FMNL3: variants seen among roughly 807,000 people sequenced by gnomAD.
FMNL3 encodes formin like 3.
In FMNL3, 57 loss-of-function variants were observed where a neutral mutation model predicts 119.6. That is an observed-to-expected ratio of 0.48 (90% CI 0.39 to 0.59). The LOEUF (loss-of-function observed/expected upper bound fraction) is 0.59, where lower values mean the gene tolerates loss of function less well. Ranked by LOEUF, FMNL3 falls within the 20% of genes least tolerant of loss-of-function variation. The pLI, the probability that FMNL3 is intolerant of heterozygous loss-of-function variation, is 0.00. For missense variants in FMNL3, 1,053 were observed against 1,323.5 expected (o/e 0.80, Z 3.17); for synonymous variants, 491 against 507.3 (o/e 0.97, Z 0.43).
chr12:49,637,712 C>G lies in FMNL3; in HGVS notation c.*8103G>C. 1 of 1,539,300 alleles carries G rather than the reference C, an allele frequency of 6.5e-7. No homozygotes were observed. The highest frequency in any genetic ancestry group is 2.3e-5 in the East Asian group (1 of 44,240). On this transcript the variant is annotated 3_prime_UTR_variant, in exon 26 of 26. Coordinates refer to ENST00000335154, the MANE Select transcript of FMNL3 (RefSeq NM_175736.5). ...TTGGGAAGCTGCCGCCCGCCAGGCCCCCCTCCCTCCCTCCTTACAGGCTCC... is the reference window on the plus strand; with the variant it reads ...TTGGGAAGCTGCCGCCCGCCAGGCCGCCCTCCCTCCCTCCTTACAGGCTCC...
At chr12:49,690,121 C>T (rs1052876315) in intron 1 of FMNL3, among the ~76,000 whole-genome samples, 2 of 152,222 alleles carry the variant, frequency 1.3e-5, no homozygotes, top group African/African-American at 2.4e-5. Context: ...AGATAAAATA[C>T]AGCACAGAGT....
At chr12:49,651,557 ACTC>A in intron 14 of FMNL3, 107 bp from the exon 15 acceptor site, 1 of 924,998 alleles carries the variant, frequency 1.1e-6, no homozygotes, top group Non-Finnish European at 1.5e-6. Context: ...AAAAAAAAAA[ACTC>A]TCAGAGAAGG....
intron 1 of FMNL3, among the ~76,000 whole-genome samples, chr12:49,686,565 G>A (rs1012318646): frequency 7.3e-5 from 10 of 136,350 alleles, no homozygotes; most frequent in Admixed American, 2.3e-4. Flanking sequence ...GCGACAGAGC[G>A]AGACTTCATC....
intron 1 of FMNL3, among the ~76,000 whole-genome samples, chr12:49,685,222 C>T (rs908548132): frequency 6.6e-5 from 10 of 152,180 alleles, no homozygotes; most frequent in Non-Finnish European, 7.3e-5. Flanking sequence ...CAGTGGCTCA[C>T]GCCTGTAATC....
chr12:49,643,151 T>G lies in FMNL3; in HGVS notation c.*2664A>C. On this transcript the variant is annotated 3_prime_UTR_variant, in exon 26 of 26. Transcript: ENST00000335154. ...TTTGGCCCTGGGTCCTCCTCCTCTC[T>G]CGAATTCCCAGACGAGGGCTTCTGG... 2 of 1,596,952 alleles carry G rather than the reference T, an allele frequency of 1.3e-6. No individual in the cohort carries two copies. The highest frequency in any genetic ancestry group is 1.7e-5 in the Admixed American group (1 of 59,130).
chr12:49,665,296 T>C (rs1176988509), intron 4 of FMNL3, among the ~76,000 whole-genome samples: 1 of 151,948 alleles, frequency 6.6e-6, no homozygotes, highest in Admixed American at 6.6e-5. Context: ...CCAGGGTCTG[T>C]GAATATAGAA....
rs1230824121 is a variant in FMNL3 at position 49,645,894 on chromosome 12, C to T, written c.3005G>A (p.Cys1002Tyr). 2 of 1,612,044 alleles carry T rather than the reference C, an allele frequency of 1.2e-6. No homozygotes were observed. Among genetic ancestry groups the T allele is most frequent in the East Asian group, 2.2e-5 (1 of 44,658 alleles). ...TTGGTGGCGAACAACCATAGGCTGG[C>T]AGTGGAGGCCTGTGGGGGAAGAGAG... ...TIEDIITGLH[C>Y]QPMVVRHQAR... is the part of the protein sequence containing the mutation. Residue 1002 changes from cysteine (C) to tyrosine (Y), a missense_variant, in exon 26 of 26, where the codon TGC becomes TAC. Physicochemically the swap from Cys to Tyr is radical, Grantham distance 194 (BLOSUM62 -2). Coordinates refer to ENST00000335154, the MANE Select transcript of FMNL3 (RefSeq NM_175736.5).
intron 14 of FMNL3, 123 bp from the exon 15 acceptor site, chr12:49,651,573 C>G: frequency 3.5e-6 from 3 of 866,604 alleles, no homozygotes; most frequent in Non-Finnish European, 4.8e-6. Flanking sequence ...AGAGAAGGAG[C>G]CTACATGAAC....
intron 1 of FMNL3, among the ~76,000 whole-genome samples, chr12:49,678,781 T>C (rs1363826284): frequency 6.6e-6 from 1 of 152,132 alleles, no homozygotes; most frequent in Non-Finnish European, 1.5e-5. Context: ...GTCTTAAACA[T>C]CAAGCGGGAA....
At position 49,657,118 on chromosome 12, in the gene FMNL3, G is replaced by A; in HGVS notation, c.678C>T (p.Val226=). Residue 226 remains valine, a synonymous_variant, in exon 7 of 26, where the codon GTC becomes GTT. Transcript: ENST00000335154. ...RLVSQKDDVH[V]CILCLRAIMN... ...TGATGGCTCTGAGACAAAGGATACA[G>A]ACGTGGACGTCATCCTTCTGGCTCA... is the stretch of plus-strand genomic sequence containing the variant. The A allele has an allele frequency of 1.2e-6, 2 of 1,614,174 alleles. No individual in the cohort carries two copies. Among genetic ancestry groups the A allele is most frequent in the African/African-American group, 1.3e-5 (1 of 75,036 alleles).
In FMNL3 at chr12:49,638,069, GAC is replaced by G. The variant is rs1942090597; in HGVS notation, c.*7744_*7745del. The G allele has an allele frequency of 2.1e-6, 1 of 484,910 alleles. No homozygotes were observed. The highest frequency in any genetic ancestry group is 3.5e-5 in the East Asian group (1 of 28,462). The allele number at this position is 484,910 out of a possible 1,614,324, so 30.0% of individuals were successfully genotyped here. A position where few individuals can be genotyped will look rare whatever the true frequency, so the allele number is the denominator to read the frequency against. Reference sequence around the variant, plus strand: ...ACAAAGGGGCAAGTGTTATTACAGAGACAGGAATCTGAAGAACTAACATTTGA... The same window carrying G: ...ACAAAGGGGCAAGTGTTATTACAGAGAGGAATCTGAAGAACTAACATTTGA... On this transcript the variant is annotated 3_prime_UTR_variant, in exon 26 of 26. Transcript: ENST00000335154.
chr12:49,676,099 T>A (rs1303745912), intron 1 of FMNL3, among the ~76,000 whole-genome samples: 1 of 152,194 alleles, frequency 6.6e-6, no homozygotes, highest in Non-Finnish European at 1.5e-5. Context: ...TCTCTTGAGC[T>A]CCAAGCATAA....
chr12:49,681,261 C>T (rs567522459), intron 1 of FMNL3, among the ~76,000 whole-genome samples: 7 of 152,098 alleles, frequency 4.6e-5, no homozygotes, highest in South Asian at 2.1e-4. Flanking sequence ...AGCGCAGTGG[C>T]GCGATTTCAG....
At chr12:49,704,849 A>G (rs1376197351) in intron 1 of FMNL3, among the ~76,000 whole-genome samples, 1 of 152,090 alleles carries the variant, frequency 6.6e-6, no homozygotes, top group African/African-American at 2.4e-5. Flanking sequence ...CATTTTACAG[A>G]TGAGGAAGAA....
At position 49,644,057 on chromosome 12, in the gene FMNL3, C is replaced by T; in HGVS notation, c.*1758G>A. On this transcript the variant is annotated 3_prime_UTR_variant, in exon 26 of 26. Transcript: ENST00000335154. ...AGCACGCTGGTCAAGCTTCCACGGC[C>T]CTTAGTGCAGGCTAAGGGTGAACTG... 1 of 1,614,158 alleles carries T rather than the reference C, an allele frequency of 6.2e-7. No homozygotes were observed. Among genetic ancestry groups the T allele is most frequent in the Non-Finnish European group, 8.5e-7 (1 of 1,180,026 alleles).
At position 49,643,110 on chromosome 12, in the gene FMNL3, G is replaced by A; in HGVS notation, c.*2705C>T. On this transcript the variant is annotated 3_prime_UTR_variant, in exon 26 of 26. Transcript: ENST00000335154. ...CCCCTTACAATATCTCCCTTGGAGGGAAGTTTGAGGATTCCTTTGGCCCTG... is the reference window on the plus strand; with the variant it reads ...CCCCTTACAATATCTCCCTTGGAGGAAAGTTTGAGGATTCCTTTGGCCCTG... The A allele has an allele frequency of 6.3e-7, 1 of 1,584,178 alleles. No individual in the cohort carries two copies. Among genetic ancestry groups the A allele is most frequent in the Non-Finnish European group, 8.6e-7 (1 of 1,156,216 alleles).
intron 1 of FMNL3, chr12:49,688,713 C>A: frequency 3.0e-6 from 1 of 330,046 alleles, no homozygotes; most frequent in South Asian, 2.5e-5. Context: ...AGTGGTAGTA[C>A]AGATAGAAAG....
intron 1 of FMNL3, among the ~76,000 whole-genome samples, chr12:49,682,458 A>G (rs1944362071): frequency 6.6e-6 from 1 of 151,936 alleles, no homozygotes; most frequent in Non-Finnish European, 1.5e-5. Flanking sequence ...ATCCTCCCAC[A>G]TCAGCTTCCC....
At chr12:49,706,355 G>C (rs527592802) in intron 1 of FMNL3, among the ~76,000 whole-genome samples, 15 of 152,326 alleles carry the variant, frequency 9.8e-5, no homozygotes, top group South Asian at 2.1e-4. Context: ...CGTGAAAAGG[G>C]GGGGAGGAGG....
Sources: allele counts gnomAD v4.1 joint callset (sites outside exome capture counted in the v4.1 genomes callset), GRCh38; gene constraint gnomAD v4.1.1; transcripts MANE v1.5; gene names NCBI Gene and HGNC (gene_info 2026-07-23, HGNC 2026-07-21).